The following AKAP13 variants were observed in gnomAD, a reference collection of about 807,000 sequenced individuals.
AKAP13 encodes the protein A-kinase anchor protein 13.
Under a neutral mutation model 264.5 loss-of-function variants are expected in AKAP13, and 80 were observed. That is an observed-to-expected ratio of 0.30 (90% confidence interval 0.25 to 0.36). The LOEUF (loss-of-function observed/expected upper bound fraction) is 0.36. AKAP13 is among the 10% of genes least tolerant of loss of function. The probability of loss-of-function intolerance (pLI) is 1.00; values close to 1 mark genes in which losing one functional copy is unlikely to be tolerated. For synonymous variants in AKAP13, 1,380 were observed against 1,250.2 expected, an observed-to-expected ratio of 1.10 and a Z score of -2.19; for missense variants, 3,712 against 3,435.2, an observed-to-expected ratio of 1.08 and a Z score of -2.01.
rs1237473359 is a variant in AKAP13, at chr15:85,708,353, A to G, written c.5532+267A>G. Reference sequence around the variant, plus strand: ...ATATACATTTCTTCGTGATTTTAATATTTCCGTATTGCTCTTAAAGTGGTT... The same window carrying G: ...ATATACATTTCTTCGTGATTTTAATGTTTCCGTATTGCTCTTAAAGTGGTT... On this transcript the variant is annotated intron_variant, in intron 18 of 36. Coordinates refer to ENST00000394518, the MANE Select transcript of AKAP13 (RefSeq NM_007200.5). The surrounding 1 kb of genome is among the most constrained non-coding windows in gnomAD (Gnocchi z 4.3). Among the ~76,000 whole-genome samples the G allele has an allele frequency of 2.0e-5, 3 of 152,098 alleles. No homozygotes were observed. The highest frequency in any genetic ancestry group is 4.4e-5 in the Non-Finnish European group (3 of 68,022).
At chr15:85,709,965 G>C (rs1224231225) in intron 18 of AKAP13, among the ~76,000 whole-genome samples, 1 of 152,126 alleles carries the variant, frequency 6.6e-6, no homozygotes, top group Non-Finnish European at 1.5e-5. Flanking sequence ...TGGGATTACA[G>C]GTGTGAGTCA....
In AKAP13 at chr15:85,743,498, C is replaced by T. The variant is rs1439253370; in HGVS notation, c.8065C>T (p.His2689Tyr). The change falls in exon 36 of 37, where the codon CAT (histidine) becomes TAT (tyrosine). Residue 2689 changes from histidine (H) to tyrosine (Y), a missense_variant. This residue lies in a region of AKAP13 where 611 missense variants were observed against 539.3 expected (regional missense o/e 1.13). Transcript: ENST00000394518. ...QTERDLCQVS[H>Y]PHTKLMRIPS... ...TTCTCTTGAATATGTACAGGTTTCCCATCCACATACCAAGCTGATGAGGAT... is the reference window on the plus strand; with the variant it reads ...TTCTCTTGAATATGTACAGGTTTCCTATCCACATACCAAGCTGATGAGGAT... 3 of 1,613,242 alleles carry T rather than the reference C, an allele frequency of 1.9e-6. No individual in the cohort carries two copies. The highest frequency in any genetic ancestry group is 2.2e-5 in the East Asian group (1 of 44,874).
At chr15:85,389,492 A>G (rs904115570) in intron 1 of AKAP13, among the ~76,000 whole-genome samples, 2 of 152,210 alleles carry the variant, frequency 1.3e-5, no homozygotes, top group African/African-American at 4.8e-5. Context: ...TCTAGTAGTT[A>G]GGGAGGATGC....
intron 5 of AKAP13, among the ~76,000 whole-genome samples, chr15:85,546,936 G>T (rs573368029): frequency 4.6e-5 from 7 of 152,026 alleles, no homozygotes; most frequent in African/African-American, 1.7e-4. Context: ...TAGAGACGGG[G>T]TTTCACCATG....
At chr15:85,418,977 G>C (rs1392102426) in intron 1 of AKAP13, among the ~76,000 whole-genome samples, 6 of 152,222 alleles carry the variant, frequency 3.9e-5, no homozygotes, top group African/African-American at 1.4e-4. Flanking sequence ...TAGATGTTCA[G>C]ATGTTAAAAT....
intron 1 of AKAP13, among the ~76,000 whole-genome samples, chr15:85,464,433 A>C (rs1312166668): frequency 6.6e-6 from 1 of 152,260 alleles, no homozygotes; most frequent in Non-Finnish European, 1.5e-5. Context: ...GATAATATCT[A>C]TTCCTGAGTT....
rs116895359 is a variant in AKAP13, at chr15:85,646,159, G to A, written c.4374+205G>A. On this transcript the variant is annotated intron_variant, in intron 10 of 36. Coordinates refer to ENST00000394518, the MANE Select transcript of AKAP13 (RefSeq NM_007200.5). ...ATGTAAATGTTCTTTGGAGAAGGAA[G>A]CGCCAGATTACCAGGGTTTAGAAAA... 4.7e-3 allele frequency among the ~76,000 whole-genome samples: 716 copies of A among 152,292 alleles called. 30 individuals are homozygous for A. In the East Asian group the frequency reaches 0.11, roughly 24 times the overall value.
chr15:85,664,366 G>T (rs1157075124), intron 12 of AKAP13, among the ~76,000 whole-genome samples, 197 bp from the exon 13 acceptor site: 5 of 152,188 alleles, frequency 3.3e-5, no homozygotes, highest in Non-Finnish European at 5.9e-5. Context: ...TCTAAGTGCA[G>T]TATTCTTTCT....
At chr15:85,601,179 A>G (rs945807622) in intron 8 of AKAP13, among the ~76,000 whole-genome samples, 1 of 152,240 alleles carries the variant, frequency 6.6e-6, no homozygotes. Context: ...TGCATTAAAA[A>G]GAGTTACTCA....
intron 10 of AKAP13, among the ~76,000 whole-genome samples, chr15:85,652,770 T>C (rs2082916543): frequency 6.6e-6 from 1 of 152,142 alleles, no homozygotes; most frequent in South Asian, 2.1e-4. Flanking sequence ...GTTCAGTCCT[T>C]GGTGTTCCTT....
In AKAP13 at chr15:85,598,993, G is replaced by A. The variant is rs536139337; in HGVS notation, c.4161+13170G>A. ...AACAGTTCCTGTCCCTATTACCCTC[G>A]TAGTCAACACAATAGGCTATGTTCC... On this transcript the variant is annotated intron_variant, in intron 8 of 36. Coordinates refer to ENST00000394518, the MANE Select transcript of AKAP13 (RefSeq NM_007200.5). Among the ~76,000 whole-genome samples the A allele has an allele frequency of 7.2e-5, 11 of 152,204 alleles. No individual in the cohort carries two copies. The East Asian group carries it at 1.2e-3, about 16-fold the overall frequency.
intron 33 of AKAP13, among the ~76,000 whole-genome samples, chr15:85,738,367 G>A (rs2088695489): frequency 6.6e-6 from 1 of 151,768 alleles, no homozygotes; most frequent in Non-Finnish European, 1.5e-5. Flanking sequence ...ACTCCAGCCT[G>A]GACAAGAGTG....
chr15:85,498,227 T>TATATATATATATATATATATATATATAA (rs2075941188), intron 2 of AKAP13, among the ~76,000 whole-genome samples: 1 of 136,950 alleles, frequency 7.3e-6, no homozygotes, highest in African/African-American at 2.7e-5. Context: ...TATATATATA[T>TATATATATATATATATATATATATATAA]CACATTGAGC....
At chr15:85,573,672 A>G (rs925144608) in intron 5 of AKAP13, among the ~76,000 whole-genome samples, 3 of 152,186 alleles carry the variant, frequency 2.0e-5, no homozygotes, top group East Asian at 1.9e-4. Context: ...AGCATAATCT[A>G]TTATTGTGCC....
At chr15:85,572,470 G>A (rs1193694530) in intron 5 of AKAP13, among the ~76,000 whole-genome samples, 1 of 152,106 alleles carries the variant, frequency 6.6e-6, no homozygotes, top group Non-Finnish European at 1.5e-5. Context: ...ATTTCACTCA[G>A]AGTATAGCAA....
chr15:85,712,192 C>G (rs1005684029), intron 19 of AKAP13, among the ~76,000 whole-genome samples: 2 of 152,074 alleles, frequency 1.3e-5, no homozygotes, highest in Non-Finnish European at 2.9e-5. Context: ...GCTTGAAAAC[C>G]GCTCCTTTAT....
At position 85,480,200 on chromosome 15, in the gene AKAP13, G is replaced by A. The variant is rs184000571; in HGVS notation, c.-11-5510G>A. ...CTCCAGATTCTTTTCTATGATTATT[G>A]TATTATATTTTAGAATTGTAGTTTA... On this transcript the variant is annotated intron_variant, in intron 1 of 36. Transcript: ENST00000394518. Among the ~76,000 whole-genome samples the A allele has an allele frequency of 5.6e-4, 85 of 152,218 alleles. 2 individuals carry two copies. In the East Asian group the frequency reaches 0.016, roughly 28 times the overall value.
At chr15:85,649,208 G>A (rs1253911056) in intron 10 of AKAP13, among the ~76,000 whole-genome samples, 2 of 152,206 alleles carry the variant, frequency 1.3e-5, no homozygotes, top group African/African-American at 2.4e-5. Context: ...TGAGGAAATA[G>A]AGGCACTGAT....
At chr15:85,573,552 A>AATAAATAC (rs1473507584) in intron 5 of AKAP13, among the ~76,000 whole-genome samples, 6 of 151,638 alleles carry the variant, frequency 4.0e-5, no homozygotes, top group African/African-American at 1.5e-4. Flanking sequence ...CTCAAAAATA[A>AATAAATAC]ATAAATAAAT....
Sources: gnomAD v4.1 joint callset for allele counts (sites outside exome capture counted in the v4.1 genomes callset) on GRCh38, gnomAD v4.1.1 for gene constraint, gnomAD v4.1.1 regional missense constraint, Gnocchi (gnomAD v3.1) non-coding constraint, MANE v1.5 for transcripts, NCBI Gene and HGNC (gene_info 2026-07-23, HGNC 2026-07-21) for gene names.